Variants in CSMD1 observed in about 807,000 individuals in gnomAD.
CSMD1 encodes CUB and Sushi multiple domains 1, also known as CUB and sushi domain-containing protein 1.
Under a neutral mutation model 417.5 loss-of-function variants are expected in CSMD1, and 213 were observed. The observed-to-expected ratio is 0.51, with a 90% CI of 0.46 to 0.57. The LOEUF (loss-of-function observed/expected upper bound fraction) is 0.57. Ranked by LOEUF, CSMD1 falls within the 20% of genes least tolerant of loss-of-function variation. The pLI is 0.00. For missense variants in CSMD1, 6,923 were observed against 4,529.7 expected (o/e 1.53, Z -15.17); for synonymous variants, 2,862 against 1,736.8 (o/e 1.65, Z -16.11).
At chr8:3,692,185 C>T (rs1399152974) in intron 7 of CSMD1, among the ~76,000 whole-genome samples, 1 of 152,210 alleles carries the variant, frequency 6.6e-6, no homozygotes, top group African/African-American at 2.4e-5. Context: ...TTTCTCCTGA[C>T]TTTACGTTGT....
intron 3 of CSMD1, among the ~76,000 whole-genome samples, chr8:4,350,092 G>A (rs1801003852): frequency 6.6e-6 from 1 of 152,100 alleles, no homozygotes. Flanking sequence ...CATGACTTAT[G>A]AGCCACCACT....
chr8:4,144,914 T>C (rs537213109), intron 3 of CSMD1, among the ~76,000 whole-genome samples: 3 of 150,788 alleles, frequency 2.0e-5, no homozygotes, highest in South Asian at 4.1e-4. Context: ...ACTCTATCAG[T>C]GAGTGGAGTG....
intron 1 of CSMD1, among the ~76,000 whole-genome samples, chr8:4,857,206 C>T (rs1430570510): frequency 1.3e-5 from 2 of 149,876 alleles, no homozygotes; most frequent in Non-Finnish European, 3.0e-5. Context: ...TAAAGATGTT[C>T]TTTGAAACCA....
intron 7 of CSMD1, among the ~76,000 whole-genome samples, chr8:3,660,036 C>T (rs1195305564): frequency 1.3e-5 from 2 of 152,218 alleles, no homozygotes; most frequent in African/African-American, 2.4e-5. Flanking sequence ...TCATTCTGTA[C>T]TGTCCCTGTG....
In CSMD1 at chr8:4,643,267, C is replaced by T. The variant is rs564857736; in HGVS notation, c.86-5709G>A. Among the ~76,000 whole-genome samples, 81 of 152,306 alleles carry T rather than the reference C, an allele frequency of 5.3e-4. 1 individual carries two copies. The South Asian group carries it at 0.016, about 30-fold the overall frequency. On this transcript the variant is annotated intron_variant, in intron 1 of 69. Transcript: ENST00000635120. ...CTTACATATTTATTACACTCAGGGG[C>T]AGTGTCGATCCTTTTACTACATCTA...
intron 2 of CSMD1, among the ~76,000 whole-genome samples, chr8:4,484,229 A>G (rs1034193377): frequency 5.3e-5 from 8 of 149,940 alleles, no homozygotes; most frequent in Non-Finnish European, 7.4e-5. Flanking sequence ...TTGCTTTCTG[A>G]TTGTTTTCAA....
At chr8:4,364,983 C>A (rs75241520) in intron 3 of CSMD1, among the ~76,000 whole-genome samples, 2 of 151,888 alleles carry the variant, frequency 1.3e-5, no homozygotes, top group Non-Finnish European at 2.9e-5. Context: ...AAATTTTACT[C>A]GAAAACATTT....
chr8:3,185,374 T>C (rs1821683199), intron 36 of CSMD1, among the ~76,000 whole-genome samples: 1 of 152,214 alleles, frequency 6.6e-6, no homozygotes. Flanking sequence ...TTTTTCACTA[T>C]TATTAGTAAG....
chr8:3,456,674 G>C (rs975766325), intron 12 of CSMD1, among the ~76,000 whole-genome samples: 10 of 152,088 alleles, frequency 6.6e-5, no homozygotes, highest in African/African-American at 4.8e-5. Flanking sequence ...CACATCTTCA[G>C]CTTGCTAATC....
At chr8:4,131,385 C>T (rs940671881) in intron 3 of CSMD1, among the ~76,000 whole-genome samples, 4 of 152,154 alleles carry the variant, frequency 2.6e-5, no homozygotes, top group African/African-American at 4.8e-5. Context: ...CTAATCACAT[C>T]CCTTAAGCCT....
intron 25 of CSMD1, among the ~76,000 whole-genome samples, chr8:3,287,547 T>C (rs989825444): frequency 6.6e-6 from 1 of 152,142 alleles, no homozygotes; most frequent in Non-Finnish European, 1.5e-5. Context: ...CCTAGGTATT[T>C]TATTCTCTTT....
intron 8 of CSMD1, among the ~76,000 whole-genome samples, chr8:3,590,542 C>T (rs1039372465): frequency 1.3e-5 from 2 of 152,154 alleles, no homozygotes; most frequent in Admixed American, 6.5e-5. Context: ...AATCTCTGCG[C>T]ACATTCATAT....
rs140750133 is a variant in CSMD1, at chr8:3,047,139, G to C, written c.7660+5323C>G. Among the ~76,000 whole-genome samples, 538 of 151,134 alleles carry C rather than the reference G, an allele frequency of 3.6e-3. 4 individuals are homozygous for C. The highest frequency in any genetic ancestry group is 0.012 in the African/African-American group (513 of 41,074). On this transcript the variant is annotated intron_variant, in intron 50 of 69. Coordinates refer to ENST00000635120, the MANE Select transcript of CSMD1 (RefSeq NM_033225.6). ...AGGAGAATCACTTGAACCCAGGAGG[G>C]GGAGGTTGCAGTGGACCAAGATCCA... is the stretch of plus-strand genomic sequence containing the variant.
At chr8:3,852,680 G>T (rs1166328746) in intron 5 of CSMD1, among the ~76,000 whole-genome samples, 3 of 152,030 alleles carry the variant, frequency 2.0e-5, no homozygotes, top group Non-Finnish European at 4.4e-5. Flanking sequence ...ATGGTGATGG[G>T]GGTGGGGAGG....
intron 41 of CSMD1, among the ~76,000 whole-genome samples, chr8:3,130,670 C>A (rs1817746586): frequency 6.6e-6 from 1 of 152,112 alleles, no homozygotes; most frequent in African/African-American, 2.4e-5. Flanking sequence ...ACCCAGAACT[C>A]TTCCTAGCAC....
intron 2 of CSMD1, among the ~76,000 whole-genome samples, chr8:4,515,569 C>A (rs1212260429): frequency 6.6e-6 from 1 of 152,174 alleles, no homozygotes; most frequent in Non-Finnish European, 1.5e-5. Flanking sequence ...CAGTTAAATT[C>A]AAGTCTGGAT....
At chr8:3,130,737 A>G (rs1817750361) in intron 41 of CSMD1, among the ~76,000 whole-genome samples, 1 of 152,066 alleles carries the variant, frequency 6.6e-6, no homozygotes, top group Admixed American at 6.6e-5. Flanking sequence ...AGAGAGTGGC[A>G]GACCCCAGGC....
At chr8:3,723,573 G>C (rs1001892388) in intron 6 of CSMD1, among the ~76,000 whole-genome samples, 1 of 152,182 alleles carries the variant, frequency 6.6e-6, no homozygotes, top group Non-Finnish European at 1.5e-5. Flanking sequence ...ACAATTATTA[G>C]ATAGTCTTTT....
chr8:3,879,304 T>C (rs2129119239), intron 5 of CSMD1, among the ~76,000 whole-genome samples: 1 of 151,916 alleles, frequency 6.6e-6, no homozygotes, highest in South Asian at 2.1e-4. Context: ...ATGTCAAAAA[T>C]GTCCTGCAGC....
Sources: gnomAD v4.1 joint callset for allele counts (sites outside exome capture counted in the v4.1 genomes callset) on GRCh38, gnomAD v4.1.1 for gene constraint, MANE v1.5 for transcripts, NCBI Gene and HGNC (gene_info 2026-07-23, HGNC 2026-07-21) for gene names.